The following STK32B variants were observed in gnomAD, a reference collection of about 807,000 sequenced individuals.
STK32B encodes serine/threonine-protein kinase 32B.
STK32B carries 43 observed loss-of-function variants against 52.6 expected under a neutral mutation model. The observed-to-expected ratio is 0.82, with a 90% CI of 0.64 to 1.05. The LOEUF (loss-of-function observed/expected upper bound fraction) is 1.05. Among genes scored for constraint, STK32B ranks in the 50% least tolerant of loss-of-function variants. STK32B has a pLI of 0.00. For missense variants in STK32B, 621 were observed against 534.6 expected, an observed-to-expected ratio of 1.16 and a Z score of -1.59; for synonymous variants, 238 against 204.3, an observed-to-expected ratio of 1.17 and a Z score of -1.41.
At chr4:5,421,762 C>T (rs1277270985) in intron 6 of STK32B, among the ~76,000 whole-genome samples, 1 of 152,208 alleles carries the variant, frequency 6.6e-6, no homozygotes, top group Non-Finnish European at 1.5e-5. Flanking sequence ...GAAATCTGAC[C>T]TGTATTGGGA....
rs554863075 is a variant in STK32B at position 5,256,829 on chromosome 4, G to A, written c.261-74391G>A. Reference sequence around the variant, plus strand: ...ACTTCTTAAAAATGAACGATGTCAGGTGTTTTTCTTGTCTCCTTTCCTGGT... The same window carrying A: ...ACTTCTTAAAAATGAACGATGTCAGATGTTTTTCTTGTCTCCTTTCCTGGT... On this transcript the variant is annotated intron_variant, in intron 3 of 11. Coordinates refer to ENST00000282908, the MANE Select transcript of STK32B (RefSeq NM_018401.3). 2.0e-5 allele frequency among the ~76,000 whole-genome samples: 3 copies of A among 152,302 alleles called. No homozygotes were observed. The East Asian group carries it at 5.8e-4, about 29-fold the overall frequency.
chr4:5,449,013 T>C (rs950038805), intron 7 of STK32B, among the ~76,000 whole-genome samples: 1 of 152,106 alleles, frequency 6.6e-6, no homozygotes, highest in Non-Finnish European at 1.5e-5. Flanking sequence ...TTGGGTAGGA[T>C]CCAGGGAGCT....
intron 1 of STK32B, among the ~76,000 whole-genome samples, chr4:5,100,749 C>G (rs574343892): frequency 8.6e-6 from 1 of 116,570 alleles, no homozygotes. Flanking sequence ...CTTCCTCCCT[C>G]CTCCCTCCCT....
intron 3 of STK32B, among the ~76,000 whole-genome samples, chr4:5,322,811 C>A (rs1474739727): frequency 6.6e-6 from 1 of 152,172 alleles, no homozygotes; most frequent in African/African-American, 2.4e-5. Flanking sequence ...GGAGCTGAAC[C>A]AAGCTTTTCC....
chr4:5,298,333 G>A (rs2108892646), intron 3 of STK32B, among the ~76,000 whole-genome samples: 1 of 152,302 alleles, frequency 6.6e-6, no homozygotes, highest in Non-Finnish European at 1.5e-5. Flanking sequence ...ATCTGCTGCT[G>A]TCTTCAGAGC....
At chr4:5,366,716 C>G (rs569384026) in intron 4 of STK32B, among the ~76,000 whole-genome samples, 1 of 152,336 alleles carries the variant, frequency 6.6e-6, no homozygotes, top group South Asian at 2.1e-4. Context: ...AGACATGGGT[C>G]AAAATCCTGA....
At chr4:5,336,277 G>C (rs1732689658) in intron 4 of STK32B, among the ~76,000 whole-genome samples, 1 of 151,664 alleles carries the variant, frequency 6.6e-6, no homozygotes, top group South Asian at 2.1e-4. Flanking sequence ...CCGAAGGAAA[G>C]AGATTGTGCC....
chr4:5,067,189 A>G (rs557818279), intron 1 of STK32B, among the ~76,000 whole-genome samples: 58 of 152,230 alleles, frequency 3.8e-4, no homozygotes, highest in Non-Finnish European at 6.8e-4. Context: ...GGTTTCCCTT[A>G]TAAAACCGTC....
At chr4:5,050,237 T>C (rs1275256094), upstream of STK32B, among the ~76,000 whole-genome samples, 2 of 152,184 alleles carry the variant, frequency 1.3e-5, no homozygotes, top group African/African-American at 4.8e-5. Flanking sequence ...TTTATAAATA[T>C]TACCTGATAT....
At chr4:5,204,445 T>TTAG (rs1722406598) in intron 3 of STK32B, among the ~76,000 whole-genome samples, 6 of 129,878 alleles carry the variant, frequency 4.6e-5, no homozygotes, top group African/African-American at 1.1e-4. Context: ...TGTTTGTTTT[T>TTAG]GTTTTTTAGG....
intron 11 of STK32B, among the ~76,000 whole-genome samples, chr4:5,476,325 T>G (rs1339723324): frequency 6.6e-6 from 1 of 152,236 alleles, no homozygotes; most frequent in Admixed American, 6.5e-5. Flanking sequence ...CAAGCCCATT[T>G]TCTGTTTCAC....
chr4:5,255,561 C>T (rs1407773488), intron 3 of STK32B, among the ~76,000 whole-genome samples: 1 of 152,026 alleles, frequency 6.6e-6, no homozygotes, highest in African/African-American at 2.4e-5. Context: ...CAGAGGGTCC[C>T]TCATGCCTCA....
chr4:5,123,383 C>A (rs369649147), intron 1 of STK32B, among the ~76,000 whole-genome samples: 1 of 152,174 alleles, frequency 6.6e-6, no homozygotes, highest in East Asian at 1.9e-4. Context: ...GAGTTTTTGT[C>A]CATAACCCGG....
intron 6 of STK32B, among the ~76,000 whole-genome samples, chr4:5,442,986 A>C (rs1369439186): frequency 2.6e-5 from 4 of 151,538 alleles, no homozygotes; most frequent in Non-Finnish European, 5.9e-5. Context: ...TGTTAGTCTG[A>C]TGGGCTTCCC....
At chr4:5,466,280 G>T (rs1244639287) in intron 9 of STK32B, among the ~76,000 whole-genome samples, 1 of 152,138 alleles carries the variant, frequency 6.6e-6, no homozygotes, top group Non-Finnish European at 1.5e-5. Context: ...AGGGAACCAG[G>T]GCAGGAAGTT....
chr4:5,168,312 AG>A lies in STK32B; in HGVS notation c.123del (p.Lys42SerfsTer10). 6.2e-7 allele frequency: 1 copy of A among 1,613,862 alleles called. No individual in the cohort carries two copies. The highest frequency in any genetic ancestry group is 8.5e-7 in the Non-Finnish European group (1 of 1,179,934). On this transcript the variant is annotated frameshift_variant, in exon 3 of 12. Coordinates refer to ENST00000282908, the MANE Select transcript of STK32B (RefSeq NM_018401.3). LOFTEE classifies it high-confidence loss of function. ...GCTGTCGCTCAGGTATGCATCGTGC[AG>A]AAGCGAGACACTAAGAAAATGTATG... The part of the protein sequence containing the change: ...KGSFGKVCIV[Q>X]KRDTKKMYAM...
In STK32B at chr4:5,184,894, T is replaced by TC. The variant is rs537327432; in HGVS notation, c.260+16445dup. Among the ~76,000 whole-genome samples, 452 of 152,054 alleles carry TC rather than the reference T, an allele frequency of 3.0e-3. 1 individual carries two copies. The highest frequency in any genetic ancestry group is 0.01 in the African/African-American group (424 of 41,322). ...CCTCCACTTTGTGAAATATGCAGGA[T>TC]CTGCTAAGTGCTGTCAAGAGAAGCA... On this transcript the variant is annotated intron_variant, in intron 3 of 11. Coordinates refer to ENST00000282908, the MANE Select transcript of STK32B (RefSeq NM_018401.3).
intron 11 of STK32B, among the ~76,000 whole-genome samples, chr4:5,486,366 G>A (rs1305271215): frequency 6.6e-6 from 1 of 152,204 alleles, no homozygotes; most frequent in East Asian, 1.9e-4. Flanking sequence ...GAGGCTCCGT[G>A]GGTGTAGGAT....
At chr4:5,272,773 A>G (rs1280790518) in intron 3 of STK32B, among the ~76,000 whole-genome samples, 1 of 142,986 alleles carries the variant, frequency 7.0e-6, no homozygotes, top group African/African-American at 2.6e-5. Context: ...GGTGCTGGGA[A>G]AACTGGCTAG....
Sources: allele counts gnomAD v4.1 joint callset (sites outside exome capture counted in the v4.1 genomes callset), GRCh38; gene constraint gnomAD v4.1.1; transcripts MANE v1.5; gene names NCBI Gene and HGNC (gene_info 2026-07-23, HGNC 2026-07-21).